Variants in CADPS2 observed in about 807,000 individuals in gnomAD.
CADPS2 encodes the protein calcium-dependent secretion activator 2.
A neutral mutation model predicts 172.5 loss-of-function variants in CADPS2; 93 were observed. That is an observed-to-expected ratio of 0.54 (90% CI 0.46 to 0.64). The LOEUF (loss-of-function observed/expected upper bound fraction) is 0.64, where lower values mean the gene tolerates loss of function less well. Among genes scored for constraint, CADPS2 ranks in the 30% least tolerant of loss-of-function variants. The pLI, the probability that CADPS2 is intolerant of heterozygous loss-of-function variation, is 0.00. For missense variants in CADPS2, 1,420 were observed against 1,565.9 expected (o/e 0.91, Z 1.57); for synonymous variants, 546 against 555.2 (o/e 0.98, Z 0.23).
chr7:122,570,680 A>G (rs201194842), intron 7 of CADPS2, among the ~76,000 whole-genome samples: 3,985 of 151,472 alleles, frequency 0.026, 63 homozygotes, highest in South Asian at 0.048. Flanking sequence ...TGGCACATAT[A>G]CACCATAGAA....
At chr7:122,811,619 T>C (rs912418499) in intron 1 of CADPS2, among the ~76,000 whole-genome samples, 2 of 152,146 alleles carry the variant, frequency 1.3e-5, no homozygotes, top group Non-Finnish European at 2.9e-5. Context: ...TGAAAACCCA[T>C]GTATCTATAA....
intron 2 of CADPS2, among the ~76,000 whole-genome samples, chr7:122,690,914 C>G (rs537484640): frequency 1.3e-5 from 2 of 152,268 alleles, no homozygotes; most frequent in South Asian, 4.1e-4. Flanking sequence ...CTCGACTAGA[C>G]CTGTGTACCA....
At chr7:122,839,554 A>C (rs1375398405) in intron 1 of CADPS2, among the ~76,000 whole-genome samples, 1 of 152,232 alleles carries the variant, frequency 6.6e-6, no homozygotes, top group South Asian at 2.1e-4. Context: ...AATATCCAGA[A>C]TCTACAAAGA....
chr7:122,493,246 C>G (rs1338504044), intron 9 of CADPS2, among the ~76,000 whole-genome samples: 1 of 152,094 alleles, frequency 6.6e-6, no homozygotes, highest in Admixed American at 6.6e-5. Context: ...GATGACTACT[C>G]TTTTTTATTT....
chr7:122,483,533 T>C lies in CADPS2; in HGVS notation c.1853-2673A>G, dbSNP rs542476831. 5.9e-5 allele frequency among the ~76,000 whole-genome samples: 9 copies of C among 152,244 alleles called. No homozygotes were observed. In the South Asian group the frequency reaches 1.4e-3, roughly 25 times the overall value. ...TGATGAAAGGCACTGGAAATGGTAA[T>C]GTACATGTACATAACATGTACATAA... On this transcript the variant is annotated intron_variant, in intron 11 of 29. Coordinates refer to ENST00000449022, the MANE Select transcript of CADPS2 (RefSeq NM_017954.11).
At chr7:122,772,506 T>C (rs2093734770) in intron 1 of CADPS2, among the ~76,000 whole-genome samples, 1 of 152,186 alleles carries the variant, frequency 6.6e-6, no homozygotes, top group African/African-American at 2.4e-5. Context: ...ACTAATTATT[T>C]GCCAATAAGG....
At chr7:122,678,025 G>A (rs1214761718) in intron 2 of CADPS2, among the ~76,000 whole-genome samples, 2 of 152,132 alleles carry the variant, frequency 1.3e-5, no homozygotes, top group East Asian at 3.9e-4. Context: ...TGTTAAGACT[G>A]CAAACTGCAT....
chr7:122,576,821 C>T (rs1010294766), intron 7 of CADPS2, among the ~76,000 whole-genome samples: 8 of 147,486 alleles, frequency 5.4e-5, no homozygotes, highest in African/African-American at 1.8e-4. Flanking sequence ...TGCCCAGTGG[C>T]GCGATCTCGG....
Position 122,786,328 on chromosome 7 carries a change from G to A in CADPS2, c.340-49260C>T, listed in dbSNP as rs76827904. On this transcript the variant is annotated intron_variant, in intron 1 of 29. Transcript: ENST00000449022. ...TTCAAAGGAGAGGAGGCAGAATTAAGCACAGTCAAGACACTGGGATAAAGG... is the reference window on the plus strand; with the variant it reads ...TTCAAAGGAGAGGAGGCAGAATTAAACACAGTCAAGACACTGGGATAAAGG... 9.3e-4 allele frequency among the ~76,000 whole-genome samples: 142 copies of A among 152,296 alleles called. 2 individuals carry two copies. In the East Asian group the frequency reaches 0.026, roughly 28 times the overall value.
intron 11 of CADPS2, among the ~76,000 whole-genome samples, chr7:122,484,674 T>A (rs2152279279): frequency 6.6e-6 from 1 of 152,104 alleles, no homozygotes; most frequent in African/African-American, 2.4e-5. Flanking sequence ...TTCTTTTTTT[T>A]TTTTTCTGAA....
rs567698506 is a variant in CADPS2 at position 122,646,963 on chromosome 7, G to A, written c.786+16274C>T. Among the ~76,000 whole-genome samples, 4 of 152,186 alleles carry A rather than the reference G, an allele frequency of 2.6e-5. No homozygotes were observed. The East Asian group carries it at 7.7e-4, about 29-fold the overall frequency. ...CAGTATGGAGTAATTCAGTTGGAAA[G>A]GCAATAAAAAAGGAAGGGCTTGTGA... is the stretch of plus-strand genomic sequence containing the variant. On this transcript the variant is annotated intron_variant, in intron 3 of 29. Coordinates refer to ENST00000449022, the MANE Select transcript of CADPS2 (RefSeq NM_017954.11).
intron 1 of CADPS2, among the ~76,000 whole-genome samples, chr7:122,861,448 ATTAT>A (rs1436848087): frequency 1.3e-5 from 2 of 151,984 alleles, no homozygotes; most frequent in African/African-American, 4.8e-5. Flanking sequence ...TTTAAATTGG[ATTAT>A]TTGTTTGTTA....
At chr7:122,638,402 G>T (rs1410485182) in intron 3 of CADPS2, among the ~76,000 whole-genome samples, 1 of 152,166 alleles carries the variant, frequency 6.6e-6, no homozygotes, top group Non-Finnish European at 1.5e-5. Flanking sequence ...CAGGATGAGT[G>T]GAGTCACCCA....
intron 1 of CADPS2, among the ~76,000 whole-genome samples, chr7:122,832,120 T>C (rs1371798955): frequency 2.0e-5 from 3 of 152,180 alleles, no homozygotes; most frequent in African/African-American, 7.2e-5. Flanking sequence ...GAAAAATCAG[T>C]TCTGCCCTTA....
chr7:122,558,584 AG>A (rs2065322864), intron 7 of CADPS2, among the ~76,000 whole-genome samples: 1 of 152,104 alleles, frequency 6.6e-6, no homozygotes, highest in African/African-American at 2.4e-5. Flanking sequence ...ATCTTTGCTA[AG>A]GTGTAATGGA....
intron 2 of CADPS2, among the ~76,000 whole-genome samples, chr7:122,684,448 T>C (rs566475886): frequency 1.4e-4 from 21 of 152,194 alleles, no homozygotes; most frequent in African/African-American, 2.6e-4. Flanking sequence ...TATATATATA[T>C]ACACACATAT....
At chr7:122,670,181 T>C (rs1427898642) in intron 2 of CADPS2, among the ~76,000 whole-genome samples, 2 of 151,834 alleles carry the variant, frequency 1.3e-5, no homozygotes, top group Non-Finnish European at 2.9e-5. Flanking sequence ...AATTGGCATA[T>C]ATATATATAA....
intron 2 of CADPS2, among the ~76,000 whole-genome samples, chr7:122,693,616 C>T (rs535557844): frequency 2.8e-4 from 43 of 152,160 alleles, no homozygotes; most frequent in African/African-American, 9.9e-4. Flanking sequence ...CAGGTGATTC[C>T]GATGTGCAGC....
At chr7:122,614,032 A>G (rs1403724515) in intron 6 of CADPS2, among the ~76,000 whole-genome samples, 22 of 152,048 alleles carry the variant, frequency 1.4e-4, no homozygotes, top group Admixed American at 1.4e-3. Context: ...TCTCAATGCC[A>G]AGAAAGCAGC....
Sources: gnomAD v4.1 joint callset for allele counts (sites outside exome capture counted in the v4.1 genomes callset) on GRCh38, gnomAD v4.1.1 for gene constraint, MANE v1.5 for transcripts, NCBI Gene and HGNC (gene_info 2026-07-23, HGNC 2026-07-21) for gene names.